The following CADM2 variants were observed in gnomAD, a reference collection of about 807,000 sequenced individuals.
CADM2 encodes the protein immunoglobulin superfamily member 4D.
CADM2 carries 12 observed loss-of-function variants against 49.8 expected under a neutral mutation model. The observed-to-expected ratio is 0.24, with a 90% confidence interval of 0.15 to 0.39. The LOEUF is 0.39. Among genes scored for constraint, CADM2 ranks in the 10% least tolerant of loss-of-function variants. CADM2 has a pLI of 1.00. For synonymous variants in CADM2, 214 were observed against 175.4 expected (o/e 1.22, Z -1.74); for missense variants, 378 against 492.3 (o/e 0.77, Z 2.20).
chr3:85,166,985 A>G (rs910140989), intron 1 of CADM2, among the ~76,000 whole-genome samples: 1 of 152,114 alleles, frequency 6.6e-6, no homozygotes, highest in African/African-American at 2.4e-5. Flanking sequence ...ATTCAAAAGC[A>G]TATTTTACTG....
At chr3:85,055,434 C>T (rs964696070) in intron 1 of CADM2, among the ~76,000 whole-genome samples, 6 of 151,982 alleles carry the variant, frequency 3.9e-5, no homozygotes, top group African/African-American at 2.4e-5. Flanking sequence ...ACTTTCCCTC[C>T]ATCATCATCC....
intron 2 of CADM2, among the ~76,000 whole-genome samples, chr3:85,752,534 G>C (rs1335234490): frequency 6.6e-6 from 1 of 151,558 alleles, no homozygotes; most frequent in African/African-American, 2.4e-5. Flanking sequence ...AAGTCCATCA[G>C]CAGGTCAGCA....
chr3:85,081,391 T>G (rs1024133841), intron 1 of CADM2, among the ~76,000 whole-genome samples: 2 of 152,194 alleles, frequency 1.3e-5, no homozygotes, highest in Non-Finnish European at 2.9e-5. Flanking sequence ...AGACATAATA[T>G]GAAGCAACGT....
chr3:85,533,789 T>A (rs17456820), intron 1 of CADM2, among the ~76,000 whole-genome samples: 77,950 of 152,030 alleles, frequency 0.51, 23,071 homozygotes, highest in East Asian at 0.85. Flanking sequence ...CTTTAGCCAG[T>A]TCAGAAGCCA....
intron 1 of CADM2, among the ~76,000 whole-genome samples, chr3:85,493,304 A>T (rs2039753209): frequency 6.6e-6 from 1 of 152,140 alleles, no homozygotes; most frequent in South Asian, 2.1e-4. Context: ...ATTCCCTATT[A>T]TTCCCCAATG....
chr3:85,970,618 A>G (rs556699457), intron 8 of CADM2, among the ~76,000 whole-genome samples: 9 of 150,966 alleles, frequency 6.0e-5, no homozygotes, highest in South Asian at 2.1e-4. Flanking sequence ...TTGTATTTCA[A>G]TATAGAATAT....
chr3:85,825,707 T>C lies in CADM2; in HGVS notation c.238+23511T>C, dbSNP rs4603964. On this transcript the variant is annotated intron_variant, in intron 3 of 9. Transcript: ENST00000383699. Reference sequence around the variant, plus strand: ...TTTTATATTTTCTAAATTAACTTTGTTTTTTAGTCACTGTGTACCGATTTT... The same window carrying C: ...TTTTATATTTTCTAAATTAACTTTGCTTTTTAGTCACTGTGTACCGATTTT... Among the ~76,000 whole-genome samples, 1,251 of 152,192 alleles carry C rather than the reference T, an allele frequency of 8.2e-3. 42 individuals carry two copies. The South Asian group carries it at 0.093, about 11-fold the overall frequency.
At chr3:85,598,691 G>C (rs1011836369) in intron 1 of CADM2, among the ~76,000 whole-genome samples, 11 of 151,744 alleles carry the variant, frequency 7.2e-5, no homozygotes, top group Admixed American at 2.0e-4. Context: ...CAGAACCTCT[G>C]TTCTAGGTGC....
chr3:85,580,124 A>T (rs1257383170), intron 1 of CADM2, among the ~76,000 whole-genome samples: 1 of 152,160 alleles, frequency 6.6e-6, no homozygotes, highest in East Asian at 1.9e-4. Context: ...AATTAAGATC[A>T]TTCAAATCAT....
chr3:85,169,996 G>T (rs2040575972), intron 1 of CADM2, among the ~76,000 whole-genome samples: 1 of 152,066 alleles, frequency 6.6e-6, no homozygotes, highest in African/African-American at 2.4e-5. Context: ...CAAAATATGT[G>T]TTTCCCCTGT....
intron 8 of CADM2, among the ~76,000 whole-genome samples, chr3:85,974,150 G>T (rs1726495855): frequency 6.6e-6 from 1 of 151,678 alleles, no homozygotes; most frequent in Admixed American, 6.6e-5. Flanking sequence ...TCTGCAAAAT[G>T]CTTAAAAGCT....
Position 85,883,358 on chromosome 3 carries a change from T to C in CADM2, c.306T>C (p.Asp102=), listed in dbSNP as rs1231634155. The part of the protein sequence containing the change: ...SWHELSISVS[D]VSLSDEGQYT... Reference sequence around the variant, plus strand: ...ATGAATTGAGTATTAGTGTCAGTGATGTGTCTCTCTCTGATGAAGGACAGT... The same window carrying C: ...ATGAATTGAGTATTAGTGTCAGTGACGTGTCTCTCTCTGATGAAGGACAGT... Residue 102 remains aspartate (D), a synonymous_variant, in exon 4 of 10, where the codon GAT becomes GAC. Transcript: ENST00000383699. 1 of 1,613,726 alleles carries C rather than the reference T, an allele frequency of 6.2e-7. No homozygotes were observed. Among genetic ancestry groups the C allele is most frequent in the East Asian group, 2.2e-5 (1 of 44,864 alleles).
chr3:85,844,692 A>C (rs1424350983), intron 3 of CADM2, among the ~76,000 whole-genome samples: 1 of 152,190 alleles, frequency 6.6e-6, no homozygotes, highest in Non-Finnish European at 1.5e-5. Context: ...TTGTGAATCT[A>C]GTCTCCTAAT....
rs116927686 is a variant in CADM2 at position 85,190,769 on chromosome 3, G to A, written c.61+231101G>A. 8.4e-4 allele frequency among the ~76,000 whole-genome samples: 128 copies of A among 152,226 alleles called. 2 individuals carry two copies. The East Asian group carries it at 0.023, about 27-fold the overall frequency. On this transcript the variant is annotated intron_variant, in intron 1 of 9. Transcript: ENST00000383699. ...TGCTGCTGTCCTCAACTTGTAGAAT[G>A]TAGTGATTATACTTTCTTACCGAGT...
chr3:85,692,505 G>A (rs1016197753), intron 1 of CADM2, among the ~76,000 whole-genome samples: 1 of 152,180 alleles, frequency 6.6e-6, no homozygotes, highest in Non-Finnish European at 1.5e-5. Flanking sequence ...TTGGTAGTGA[G>A]CATGTTATAA....
At chr3:85,944,310 C>T (rs1369072911) in intron 7 of CADM2, among the ~76,000 whole-genome samples, 1 of 152,020 alleles carries the variant, frequency 6.6e-6, no homozygotes, top group Non-Finnish European at 1.5e-5. Context: ...TAGACTCCCA[C>T]ACAATAATAA....
chr3:86,039,376 C>T (rs1735560250), intron 8 of CADM2, among the ~76,000 whole-genome samples: 1 of 152,150 alleles, frequency 6.6e-6, no homozygotes, highest in South Asian at 2.1e-4. Flanking sequence ...AATAGGGTCA[C>T]TCTCACCCTA....
intron 1 of CADM2, among the ~76,000 whole-genome samples, chr3:85,129,225 A>T (rs12492245): frequency 0.1 from 15,761 of 152,130 alleles, 1,741 homozygotes; most frequent in African/African-American, 0.28. Context: ...TTTCTAAAAT[A>T]GATGGTTGCC....
At chr3:85,811,169 T>G (rs1162113766) in intron 3 of CADM2, among the ~76,000 whole-genome samples, 2 of 152,190 alleles carry the variant, frequency 1.3e-5, no homozygotes, top group African/African-American at 4.8e-5. Flanking sequence ...GATATTATAT[T>G]TTAGGGAAAT....
Sources: gnomAD v4.1 joint callset for allele counts (sites outside exome capture counted in the v4.1 genomes callset) on GRCh38, gnomAD v4.1.1 for gene constraint, MANE v1.5 for transcripts, NCBI Gene and HGNC (gene_info 2026-07-23, HGNC 2026-07-21) for gene names.